The following PIF1 variants were observed in gnomAD, a reference collection of about 807,000 sequenced individuals.
PIF1 encodes PIF1 5'-to-3' DNA helicase, also known as ATP-dependent DNA helicase PIF1.
Under a neutral mutation model 62.3 loss-of-function variants are expected in PIF1, and 67 were observed. That is an observed-to-expected ratio of 1.08 (90% CI 0.88 to 1.32). The LOEUF (loss-of-function observed/expected upper bound fraction) is 1.32. Ranked by LOEUF, PIF1 falls within the 40% of genes most tolerant of loss-of-function variation. The pLI, the probability that PIF1 is intolerant of heterozygous loss-of-function variation, is 0.00. For synonymous variants in PIF1, 364 were observed against 379.5 expected (o/e 0.96, Z 0.47); for missense variants, 886 against 866.1 (o/e 1.02, Z -0.29).
chr15:64,820,900 CTG>C (rs2084274988), intron 7 of PIF1, 80 bp downstream of exon 7: 2 of 1,264,274 alleles, frequency 1.6e-6, no homozygotes, highest in Non-Finnish European at 2.3e-6. Flanking sequence ...TCTACCCCTT[CTG>C]TGAGTCCCTC....
intron 9 of PIF1, 62 bp from the exon 10 acceptor site, chr15:64,818,406 C>T: frequency 6.6e-7 from 1 of 1,511,316 alleles, no homozygotes; most frequent in South Asian, 1.1e-5. Context: ...TTAGCTTCGC[C>T]ATGGCTGTTC....
chr15:64,821,547 C>A, intron 4 of PIF1, 27 bp from the exon 5 acceptor site: 1 of 1,515,122 alleles, frequency 6.6e-7, no homozygotes. Context: ...TCAGCCTGGG[C>A]TAATACCCAA....
chr15:64,819,141 G>C lies in PIF1; in HGVS notation c.1416C>G (p.Leu472=). 6.3e-7 allele frequency: 1 copy of C among 1,595,520 alleles called. No individual in the cohort carries two copies. The highest frequency in any genetic ancestry group is 8.5e-7 in the Non-Finnish European group (1 of 1,174,860). Residue 472 remains leucine, a synonymous_variant, in exon 9 of 13, where the codon CTC becomes CTG. Transcript: ENST00000559239. ...TLDAQCPVSQ[L]LQLKLGAQVM... Reference sequence around the variant, plus strand: ...CCTGGGCCCCCAGCTTTAGTTGAAGGAGCTGGCTAACAGGACACTGGGCAT... The same window carrying C: ...CCTGGGCCCCCAGCTTTAGTTGAAGCAGCTGGCTAACAGGACACTGGGCAT...
chr15:64,815,740 G>A lies in PIF1; in HGVS notation c.*558C>T. 6.4e-7 allele frequency: 1 copy of A among 1,550,614 alleles called. No individual in the cohort carries two copies. Among genetic ancestry groups the A allele is most frequent in the Non-Finnish European group, 8.7e-7 (1 of 1,147,016 alleles). On this transcript the variant is annotated 3_prime_UTR_variant, in exon 13 of 13. Transcript: ENST00000559239. ...CCCCTGAAAAAGCAGCTTAAAATATGGGTGCACATTTTGCAGCTTATGTTC... is the reference window on the plus strand; with the variant it reads ...CCCCTGAAAAAGCAGCTTAAAATATAGGTGCACATTTTGCAGCTTATGTTC...
intron 7 of PIF1, among the ~76,000 whole-genome samples, chr15:64,820,728 G>A (rs2084272676): frequency 2.0e-5 from 3 of 150,496 alleles, no homozygotes; most frequent in Admixed American, 1.3e-4. Context: ...CCTTGTGCTA[G>A]GTGATGGAGA....
At chr15:64,820,120 G>A (rs1287061255) in intron 7 of PIF1, 134 bp from the exon 8 acceptor site, 12 of 1,140,552 alleles carry the variant, frequency 1.1e-5, no homozygotes, top group Admixed American at 2.4e-5. Flanking sequence ...AAGAGTTGCT[G>A]CCCCCTCAAG....
At chr15:64,824,581 T>G (rs1347417853) in intron 1 of PIF1, among the ~76,000 whole-genome samples, 1 of 152,054 alleles carries the variant, frequency 6.6e-6, no homozygotes, top group Non-Finnish European at 1.5e-5. Flanking sequence ...GCGCAGTGGC[T>G]CGCGCTTTAA....
chr15:64,819,081 C>A, intron 9 of PIF1, 36 bp downstream of exon 9: 1 of 1,515,442 alleles, frequency 6.6e-7, no homozygotes, highest in South Asian at 1.3e-5. Flanking sequence ...CGGGACAGCC[C>A]AAGCTCCCAG....
rs112850272 is a variant in PIF1 at position 64,821,160 on chromosome 15, G to A, written c.1086+7C>T. 1 of 1,613,842 alleles carries A rather than the reference G, an allele frequency of 6.2e-7. No individual in the cohort carries two copies. Among genetic ancestry groups the A allele is most frequent in the South Asian group, 1.1e-5 (1 of 91,074 alleles). ...CAAGGAGAGCAGAGCTAGGAGGTGA[G>A]TAATACCTGGAAGCAGAACCGTGGG... On this transcript the variant is annotated splice_region_variant and intron_variant, in intron 6 of 12. Transcript: ENST00000559239.
Position 64,821,011 on chromosome 15 carries a change from G to C in PIF1, c.1164C>G (p.Ile388Met). The change falls in exon 7 of 13, where the codon ATC becomes ATG. Residue 388 changes from isoleucine (I) to methionine (M), a missense_variant. Physicochemically the swap from Ile to Met is conservative, Grantham distance 10. Transcript: ENST00000559239. ...KVWRQADQTF[I>M]SLLQAVRLGR... ...CTAGCCTCACGGCCTGCAGTAGAGA[G>C]ATGAAGGTCTGGTCTGCCTGCCTCC... The C allele has an allele frequency of 1.9e-6, 3 of 1,613,944 alleles. No individual in the cohort carries two copies. Among genetic ancestry groups the C allele is most frequent in the Non-Finnish European group, 2.5e-6 (3 of 1,179,910 alleles).
In PIF1 at chr15:64,822,606, G is replaced by T; in HGVS notation, c.563C>A (p.Ala188Asp). 2 of 1,613,772 alleles carry T rather than the reference G, an allele frequency of 1.2e-6. No homozygotes were observed. The highest frequency in any genetic ancestry group is 8.5e-7 in the Non-Finnish European group (1 of 1,180,004). Residue 188 changes from alanine (A) to aspartate (D), a missense_variant, in exon 3 of 13, where the codon GCC becomes GAC. Physicochemically the swap from Ala to Asp is moderately radical, Grantham distance 126 (BLOSUM62 -2). Coordinates refer to ENST00000559239, the MANE Select transcript of PIF1 (RefSeq NM_001286496.2). ...CTTCACAGGCAGGGGCCACCTTGGGGCTTCCTGGGGGGAACAGAGCTATCT... is the reference window on the plus strand; with the variant it reads ...CTTCACAGGCAGGGGCCACCTTGGGTCTTCCTGGGGGGAACAGAGCTATCT... ...PQAGAEPSTE[A>D]PRWPLPVKRL... is the part of the protein sequence containing the mutation.
Position 64,824,318 on chromosome 15 carries a change from C to A in PIF1, c.18G>T (p.Glu6Asp). 1 of 1,256,114 alleles carries A rather than the reference C, an allele frequency of 8.0e-7. No homozygotes were observed. Among genetic ancestry groups the A allele is most frequent in the Non-Finnish European group, 1.0e-6 (1 of 999,080 alleles). The allele number at this position is 1,256,114 out of a possible 1,614,324, so 77.8% of individuals were successfully genotyped here. A position where few individuals can be genotyped will look rare whatever the true frequency, so the allele number is the denominator to read the frequency against. Reference protein sequence around the residue: MLSGIEAAAGEYEDSE... With the variant: MLSGIDAAAGEYEDSE... ...AGTCCTCATATTCCCCTGCCGCCGC[C>A]TCTATGCCCGAGAGCATCGTCACCG... is the stretch of plus-strand genomic sequence containing the variant. Residue 6 changes from glutamate to aspartate, a missense_variant, in exon 2 of 13, where the codon GAG becomes GAT. Coordinates refer to ENST00000559239, the MANE Select transcript of PIF1 (RefSeq NM_001286496.2).
intron 1 of PIF1, among the ~76,000 whole-genome samples, chr15:64,824,835 T>C (rs1656193158): frequency 6.7e-6 from 1 of 148,906 alleles, no homozygotes; most frequent in South Asian, 2.1e-4. Flanking sequence ...AATACATACA[T>C]ATAAATACAT....
In PIF1 at chr15:64,819,931, G is replaced by C; in HGVS notation, c.1249C>G (p.Arg417Gly). 1 of 1,614,162 alleles carries C rather than the reference G, an allele frequency of 6.2e-7. No homozygotes were observed. The highest frequency in any genetic ancestry group is 8.5e-7 in the Non-Finnish European group (1 of 1,180,034). The change falls in exon 8 of 13, where the codon CGA (arginine) becomes GGA (glycine). Residue 417 changes from arginine to glycine, a missense_variant. Physicochemically the swap from Arg to Gly is moderately radical, Grantham distance 125. Transcript: ENST00000559239. ...LQATASHKVG[R>G]DGIVATRLCT... ...AGCCTCGTGGCCACAATCCCATCTC[G>C]CCCCACCTTGTGGGAAGCTGTGGCC...
intron 12 of PIF1, 92 bp from the exon 13 acceptor site, chr15:64,816,449 C>T: frequency 1.9e-6 from 3 of 1,598,214 alleles, no homozygotes; most frequent in Non-Finnish European, 1.7e-6. Flanking sequence ...TTTGCCCTCA[C>T]CCCTAAAGGA....
chr15:64,824,400 T>C lies in PIF1; in HGVS notation c.-19-46A>G, dbSNP rs1251801976. Reference sequence around the variant, plus strand: ...AGGGGTCATGAGGATTCATGAGACGTAATGGGTGCTATAGGGGACGTAATG... The same window carrying C: ...AGGGGTCATGAGGATTCATGAGACGCAATGGGTGCTATAGGGGACGTAATG... On this transcript the variant is annotated intron_variant, in intron 1 of 12. Transcript: ENST00000559239. 6.7e-6 allele frequency: 8 copies of C among 1,197,412 alleles called. No homozygotes were observed. In the Admixed American group the frequency reaches 2.5e-4, roughly 38 times the overall value. The allele number at this position is 1,197,412 out of a possible 1,614,324, so 74.2% of individuals were successfully genotyped here. A position where few individuals can be genotyped will look rare whatever the true frequency, so the allele number is the denominator to read the frequency against.
At position 64,818,520 on chromosome 15, in the gene PIF1, C is replaced by T. The variant is rs115205312; in HGVS notation, c.1441-176G>A. On this transcript the variant is annotated intron_variant, in intron 9 of 12. Transcript: ENST00000559239. Reference sequence around the variant, plus strand: ...CTGGGGCAAGTTGCCTTATCTTCCTCGGTCCCAATTTTTCTTTATGTCAAA... The same window carrying T: ...CTGGGGCAAGTTGCCTTATCTTCCTTGGTCCCAATTTTTCTTTATGTCAAA... 3.2e-3 allele frequency: 1,924 copies of T among 601,568 alleles called. 27 individuals are homozygous for T. The highest frequency in any genetic ancestry group is 0.032 in the African/African-American group (1,720 of 53,872). 37.3% of individuals were successfully genotyped at this position (601,568 alleles called of 1,614,324 possible). A position where few individuals can be genotyped will look rare whatever the true frequency, so the allele number is the denominator to read the frequency against.
In PIF1 at chr15:64,820,306, C is replaced by T. The variant is rs139187857; in HGVS notation, c.1194-320G>A. ...GTTGGCTATGATGAGTGAGCACAGG[C>T]TGGAGATTTGCAGGACCCAGATTGG... On this transcript the variant is annotated intron_variant, in intron 7 of 12. Transcript: ENST00000559239. Among the ~76,000 whole-genome samples the T allele has an allele frequency of 9.7e-3, 1,471 of 152,342 alleles. 22 individuals are homozygous for T. Among genetic ancestry groups the T allele is most frequent in the Middle Eastern group, 0.037 (11 of 294 alleles).
At chr15:64,822,039 C>T (rs1160692323) in intron 4 of PIF1, 6 of 548,460 alleles carry the variant, frequency 1.1e-5, no homozygotes, top group African/African-American at 2.0e-5. Context: ...TGCGCCCGGC[C>T]GCTAATTTTT....
Sources: gnomAD v4.1 joint callset for allele counts (sites outside exome capture counted in the v4.1 genomes callset) on GRCh38, gnomAD v4.1.1 for gene constraint, MANE v1.5 for transcripts, NCBI Gene and HGNC (gene_info 2026-07-23, HGNC 2026-07-21) for gene names.